SLC2A13: variants seen among roughly 807,000 people sequenced by gnomAD.
SLC2A13 encodes the protein solute carrier family 2 member 13.
A neutral mutation model predicts 64.4 loss-of-function variants in SLC2A13; 32 were observed. The ratio of observed to expected loss-of-function variants is 0.50; its 90% confidence interval spans 0.37 to 0.67. SLC2A13 has a LOEUF of 0.67. SLC2A13 is among the 30% of genes least tolerant of loss of function. The pLI is 0.00. For missense variants in SLC2A13, 743 were observed against 829.2 expected (o/e 0.90, Z 1.28); for synonymous variants, 338 against 327.1 (o/e 1.03, Z -0.36).
chr12:39,877,824 A>T (rs1234579300), intron 4 of SLC2A13, among the ~76,000 whole-genome samples: 1 of 152,234 alleles, frequency 6.6e-6, no homozygotes. Context: ...TCCATCTGAT[A>T]TAATTTGGAT....
rs528459246 is a variant in SLC2A13, at chr12:39,837,509, G to T, written c.1320-7281C>A. Among the ~76,000 whole-genome samples, 1,350 of 139,938 alleles carry T rather than the reference G, an allele frequency of 9.6e-3. 19 individuals are homozygous for T. Among genetic ancestry groups the T allele is most frequent in the African/African-American group, 0.033 (1,232 of 37,160 alleles). 91.8% of individuals were successfully genotyped at this position (139,938 alleles called of 152,430 possible). A position where few individuals can be genotyped will look rare whatever the true frequency, so the allele number is the denominator to read the frequency against. ...ACAAATGGGATCTAATTAAACTAAA[G>T]AGCTTCTGCACAGCAAAAGAAACTA... On this transcript the variant is annotated intron_variant, in intron 6 of 9. Coordinates refer to ENST00000280871, the MANE Select transcript of SLC2A13 (RefSeq NM_052885.4).
At chr12:40,051,318 G>C (rs1218852214) in intron 1 of SLC2A13, among the ~76,000 whole-genome samples, 5 of 152,126 alleles carry the variant, frequency 3.3e-5, no homozygotes, top group Admixed American at 3.3e-4. Flanking sequence ...GAGATAAATA[G>C]AAAATGTGAG....
At chr12:39,852,243 A>T (rs1463075746) in intron 6 of SLC2A13, among the ~76,000 whole-genome samples, 1 of 152,208 alleles carries the variant, frequency 6.6e-6, no homozygotes, top group Non-Finnish European at 1.5e-5. Context: ...AGAAATAAAG[A>T]TGGACCCGTC....
intron 1 of SLC2A13, among the ~76,000 whole-genome samples, chr12:40,054,641 T>G (rs564501405): frequency 6.6e-6 from 1 of 152,222 alleles, no homozygotes; most frequent in Non-Finnish European, 1.5e-5. Context: ...GACACTGCAG[T>G]GCGACCGGAT....
chr12:40,006,072 A>G (rs1354174534), intron 3 of SLC2A13, among the ~76,000 whole-genome samples: 1 of 151,604 alleles, frequency 6.6e-6, no homozygotes, highest in Non-Finnish European at 1.5e-5. Context: ...GTCTAAACAT[A>G]CTCAACTTCC....
chr12:39,811,869 C>T (rs1942172981), intron 7 of SLC2A13, among the ~76,000 whole-genome samples: 2 of 152,142 alleles, frequency 1.3e-5, no homozygotes, highest in African/African-American at 2.4e-5. Flanking sequence ...GTTTTCATGT[C>T]TAATTGGACA....
Position 39,764,470 on chromosome 12 carries a change from A to C in SLC2A13, c.1710T>G (p.Leu570=). The C allele has an allele frequency of 6.3e-7, 1 of 1,585,250 alleles. No individual in the cohort carries two copies. The change falls in exon 9 of 10, where the codon CTT becomes CTG. Residue 570 remains leucine (L), a synonymous_variant. Transcript: ENST00000280871. ...AAAATATTATCTTACCATAGTATGT[A>C]AGATACTCTGCTGTGTGTAAAAATG... ...SLTFLHTAEY[L]TYYGAFFLYA...
chr12:39,959,680 G>A (rs554423837), intron 3 of SLC2A13, among the ~76,000 whole-genome samples: 13 of 152,104 alleles, frequency 8.5e-5, no homozygotes, highest in South Asian at 4.1e-4. Context: ...TCAACTGAAC[G>A]AATTTCAAAC....
Position 39,895,551 on chromosome 12 carries a change from T to TATAC in SLC2A13, c.1035-23591_1035-23590insGTAT, listed in dbSNP as rs1246193316. On this transcript the variant is annotated intron_variant, in intron 4 of 9. Coordinates refer to ENST00000280871, the MANE Select transcript of SLC2A13 (RefSeq NM_052885.4). Reference sequence around the variant, plus strand: ...ATATATATATATATATATATATATATACACACACACACACACGTGTATATG... The same window carrying TATAC: ...ATATATATATATATATATATATATATATACACACACACACACACACGTGTATATG... 5.7e-4 allele frequency among the ~76,000 whole-genome samples: 38 copies of TATAC among 66,766 alleles called. 3 individuals carry two copies. Among genetic ancestry groups the TATAC allele is most frequent in the African/African-American group, 2.1e-3 (34 of 16,024 alleles). The allele number at this position is 66,766 out of a possible 152,430, so 43.8% of individuals were successfully genotyped here.
At chr12:40,031,059 C>T (rs771630189) in intron 2 of SLC2A13, among the ~76,000 whole-genome samples, 5 of 152,066 alleles carry the variant, frequency 3.3e-5, no homozygotes, top group South Asian at 2.1e-4. Context: ...TTACCTTTCA[C>T]GATGAAAATA....
intron 3 of SLC2A13, among the ~76,000 whole-genome samples, chr12:39,962,698 A>ATTGCAATAGATAT (rs1946436277): frequency 1.3e-5 from 2 of 152,224 alleles, no homozygotes; most frequent in Non-Finnish European, 2.9e-5. Flanking sequence ...TAGATATTAT[A>ATTGCAATAGATAT]TGCAAGGAAA....
intron 4 of SLC2A13, among the ~76,000 whole-genome samples, chr12:39,943,684 G>C (rs546831910): frequency 4.6e-5 from 7 of 152,328 alleles, no homozygotes; most frequent in African/African-American, 1.7e-4. Context: ...ATCTTAGCTT[G>C]CTGGGCTCCG....
chr12:39,907,037 A>T (rs1233954175), intron 4 of SLC2A13, among the ~76,000 whole-genome samples: 3 of 152,154 alleles, frequency 2.0e-5, no homozygotes, highest in African/African-American at 7.2e-5. Flanking sequence ...ATACAATGCA[A>T]ATTAACCCAT....
chr12:40,011,199 T>A (rs1045071344), intron 3 of SLC2A13, among the ~76,000 whole-genome samples: 3 of 152,188 alleles, frequency 2.0e-5, no homozygotes, highest in Non-Finnish European at 4.4e-5. Flanking sequence ...GAGTGTTGAC[T>A]TTTTGGGCCA....
intron 1 of SLC2A13, among the ~76,000 whole-genome samples, chr12:40,050,347 T>TA (rs1467044540): frequency 6.6e-6 from 1 of 152,136 alleles, no homozygotes. Context: ...CACATGCTCA[T>TA]AAAAAACACA....
chr12:40,013,613 A>C (rs775661439), intron 3 of SLC2A13, among the ~76,000 whole-genome samples: 1 of 152,216 alleles, frequency 6.6e-6, no homozygotes, highest in Non-Finnish European at 1.5e-5. Flanking sequence ...ACTATATGAC[A>C]CAAGAACCAC....
chr12:39,958,578 C>T (rs539715001), intron 3 of SLC2A13, among the ~76,000 whole-genome samples: 1 of 152,290 alleles, frequency 6.6e-6, no homozygotes, highest in Admixed American at 6.5e-5. Flanking sequence ...TTGGCTAAAG[C>T]ACCCCACTGA....
At chr12:40,078,170 G>A (rs531916348) in intron 1 of SLC2A13, among the ~76,000 whole-genome samples, 2 of 152,248 alleles carry the variant, frequency 1.3e-5, no homozygotes, top group African/African-American at 4.8e-5. Context: ...GCTCTGGCTA[G>A]GACATCCAGT....
chr12:39,870,283 T>A (rs1944011257), intron 5 of SLC2A13, among the ~76,000 whole-genome samples: 1 of 152,178 alleles, frequency 6.6e-6, no homozygotes. Context: ...TAAAAGCAGC[T>A]ATTATCTCTT....
Sources: gnomAD v4.1 joint callset for allele counts (sites outside exome capture counted in the v4.1 genomes callset) on GRCh38, gnomAD v4.1.1 for gene constraint, MANE v1.5 for transcripts, NCBI Gene and HGNC (gene_info 2026-07-23, HGNC 2026-07-21) for gene names.